ZNF487: variants seen among roughly 807,000 people sequenced by gnomAD.
ZNF487 encodes the protein KRAB domain only 1.
ZNF487 carries 4 observed loss-of-function variants against 3.0 expected under a neutral mutation model. The observed-to-expected ratio is 1.35, with a 90% CI of 0.66 to 3.08. The LOEUF is 3.08. ZNF487 is among the 30% of genes most tolerant of loss of function. The pLI is 0.01. For missense variants in ZNF487, 146 were observed against 98.7 expected (o/e 1.48, Z -2.03); for synonymous variants, 55 against 34.6 (o/e 1.59, Z -2.06).
intron 3 of ZNF487, among the ~76,000 whole-genome samples, chr10:43,477,325 G>C (rs1345164924): frequency 6.6e-6 from 1 of 151,688 alleles, no homozygotes; most frequent in East Asian, 1.9e-4. Context: ...CTCCCTAGTA[G>C]TTGGGACCAT....
the ZNF487 span, among the ~76,000 whole-genome samples, chr10:43,509,458 C>CATATATATATATATATATAT: frequency 2.1e-3 from 283 of 135,180 alleles, 4 homozygotes; most frequent in African/African-American, 6.8e-3. Context: ...ACTAATGGAA[C>CATATATATATATATATATAT]ATATATATAT....
At position 43,482,484 on chromosome 10, in the gene ZNF487, G is replaced by C. The variant is rs772296725; in HGVS notation, c.*562G>C. 1 of 472,270 alleles carries C rather than the reference G, an allele frequency of 2.1e-6. No individual in the cohort carries two copies. 29.3% of individuals were successfully genotyped at this position (472,270 alleles called of 1,614,324 possible). A position where few individuals can be genotyped will look rare whatever the true frequency, so the allele number is the denominator to read the frequency against. On this transcript the variant is annotated 3_prime_UTR_variant, in exon 4 of 4. Transcript: ENST00000437590. Reference sequence around the variant, plus strand: ...GCAGTACATCAAAGAACACACACGGGACAAAACCTATGAATGTAATGAATG... The same window carrying C: ...GCAGTACATCAAAGAACACACACGGCACAAAACCTATGAATGTAATGAATG...
At chr10:43,517,331 T>C in the ZNF487 span, among the ~76,000 whole-genome samples, 1 of 152,232 alleles carries the variant, frequency 6.6e-6, no homozygotes, top group South Asian at 2.1e-4. Context: ...GGTGACATAT[T>C]CCTCATTTAC....
At chr10:43,484,663 A>G (rs942787815), downstream of ZNF487, among the ~76,000 whole-genome samples, 6 of 152,208 alleles carry the variant, frequency 3.9e-5, no homozygotes, top group Non-Finnish European at 8.8e-5. Flanking sequence ...AAGTCTTATC[A>G]AAAGATTGTG....
intron 3 of ZNF487, among the ~76,000 whole-genome samples, chr10:43,480,230 C>T (rs936956727): frequency 2.0e-5 from 3 of 151,312 alleles, no homozygotes; most frequent in Non-Finnish European, 4.4e-5. Flanking sequence ...GCTGCAGCCT[C>T]CTGAGTAGCT....
the ZNF487 span, among the ~76,000 whole-genome samples, chr10:43,518,864 C>T: frequency 4.6e-5 from 7 of 152,238 alleles, 1 homozygote; most frequent in African/African-American, 1.2e-4. Context: ...TCACTTGTCC[C>T]GTTTGCTCTA....
At chr10:43,484,589 G>A (rs916234206), downstream of ZNF487, among the ~76,000 whole-genome samples, 11 of 152,004 alleles carry the variant, frequency 7.2e-5, no homozygotes, top group East Asian at 5.8e-4. Context: ...CCTGGGCGAC[G>A]GAGCAAGACT....
At chr10:43,523,784 T>A in the ZNF487 span, 1 of 152,146 alleles carries the variant, frequency 6.6e-6, no homozygotes, top group African/African-American at 2.4e-5. Flanking sequence ...TCCTTGTTCA[T>A]CAGAGTACTC....
At chr10:43,443,723 A>G (rs981776092) in intron 1 of ZNF487, among the ~76,000 whole-genome samples, 3 of 151,118 alleles carry the variant, frequency 2.0e-5, no homozygotes, top group African/African-American at 4.9e-5. Flanking sequence ...AGGTCTCACT[A>G]TGTCACCTAG....
intron 1 of ZNF487, among the ~76,000 whole-genome samples, chr10:43,470,400 A>G (rs1840862624): frequency 6.6e-6 from 1 of 151,658 alleles, no homozygotes; most frequent in South Asian, 2.1e-4. Flanking sequence ...TTATTTATTT[A>G]GAGACAGAGT....
the ZNF487 span, among the ~76,000 whole-genome samples, chr10:43,514,641 G>A: frequency 5.3e-5 from 8 of 152,274 alleles, no homozygotes; most frequent in Middle Eastern, 3.4e-3. Flanking sequence ...GAGTAGCCAC[G>A]CCCACCTTGC....
At chr10:43,457,823 C>T (rs1817514430) in intron 1 of ZNF487, among the ~76,000 whole-genome samples, 1 of 151,956 alleles carries the variant, frequency 6.6e-6, no homozygotes, top group Non-Finnish European at 1.5e-5. Flanking sequence ...GAGATCGAGA[C>T]CATCTTGGCT....
chr10:43,440,071 G>A (rs571618270), intron 1 of ZNF487, among the ~76,000 whole-genome samples: 7 of 131,494 alleles, frequency 5.3e-5, no homozygotes, highest in African/African-American at 1.6e-4. Context: ...TTTTTGAGGC[G>A]AAGTTTCACT....
At chr10:43,438,807 G>A (rs927020630) in intron 1 of ZNF487, among the ~76,000 whole-genome samples, 1 of 152,172 alleles carries the variant, frequency 6.6e-6, no homozygotes, top group Admixed American at 6.6e-5. Flanking sequence ...TTGGCTGGAT[G>A]CAGCGGCTCA....
At chr10:43,465,636 C>T (rs927933415) in intron 1 of ZNF487, among the ~76,000 whole-genome samples, 2 of 151,644 alleles carry the variant, frequency 1.3e-5, no homozygotes, top group African/African-American at 4.8e-5. Flanking sequence ...GGATGGCAGC[C>T]GGGAAGAGGC....
downstream of ZNF487, among the ~76,000 whole-genome samples, chr10:43,485,049 G>T (rs922700288): frequency 3.9e-5 from 6 of 152,196 alleles, no homozygotes; most frequent in Non-Finnish European, 5.9e-5. Context: ...ATTTTAGGAA[G>T]TTGGATCCAG....
intron 1 of ZNF487, among the ~76,000 whole-genome samples, chr10:43,449,365 T>C (rs1839925883): frequency 6.6e-6 from 1 of 152,108 alleles, no homozygotes; most frequent in Non-Finnish European, 1.5e-5. Context: ...CACTGGTATA[T>C]ATTGACATAC....
intron 1 of ZNF487, among the ~76,000 whole-genome samples, chr10:43,466,181 A>AGAGAGGGAGAGGGAGACCGTAGG (rs1554798617): frequency 0.89 from 119,134 of 134,548 alleles, 52,888 homozygotes; most frequent in East Asian, 0.99. Context: ...GACCGTGGAA[A>AGAGAGGGAGAGGGAGACCGTAGG]GAGAGGGAGA....
chr10:43,510,123 T>G, the ZNF487 span, among the ~76,000 whole-genome samples: 1 of 152,230 alleles, frequency 6.6e-6, no homozygotes, highest in Non-Finnish European at 1.5e-5. Flanking sequence ...TGAAGATTTT[T>G]TTAGTACAAG....
Sources: allele counts gnomAD v4.1 joint callset (sites outside exome capture counted in the v4.1 genomes callset), GRCh38; gene constraint gnomAD v4.1.1; transcripts MANE v1.5; gene names NCBI Gene and HGNC (gene_info 2026-07-23, HGNC 2026-07-21).